PTPRG: variants seen among roughly 807,000 people sequenced by gnomAD.
PTPRG encodes protein tyrosine phosphatase receptor type G.
Under a neutral mutation model 165.3 loss-of-function variants are expected in PTPRG, and 102 were observed. The observed-to-expected ratio is 0.62, with a 90% CI of 0.53 to 0.73. The LOEUF (loss-of-function observed/expected upper bound fraction) is 0.73. PTPRG is among the 30% of genes least tolerant of loss of function. The probability of loss-of-function intolerance (pLI) is 0.00; values close to 1 mark genes in which losing one functional copy is unlikely to be tolerated. For missense variants in PTPRG, 1,866 were observed against 1,861.4 expected (o/e 1.00, Z -0.05); for synonymous variants, 675 against 669.5 (o/e 1.01, Z -0.13).
intron 2 of PTPRG, among the ~76,000 whole-genome samples, chr3:61,829,446 C>G (rs2036208356): frequency 6.6e-6 from 1 of 152,244 alleles, no homozygotes; most frequent in Admixed American, 6.5e-5. Context: ...TTTATCATGC[C>G]TCACTTAGCC....
intron 2 of PTPRG, among the ~76,000 whole-genome samples, chr3:61,825,866 G>A (rs571948937): frequency 6.6e-6 from 1 of 152,206 alleles, no homozygotes; most frequent in East Asian, 1.9e-4. Flanking sequence ...GTCCAGGCTT[G>A]TCTCAAACTT....
At chr3:61,782,907 A>G (rs1311328561) in intron 2 of PTPRG, among the ~76,000 whole-genome samples, 3 of 152,044 alleles carry the variant, frequency 2.0e-5, no homozygotes, top group South Asian at 2.1e-4. Context: ...GGCTCAAGTG[A>G]TCCTCCTGCC....
intron 2 of PTPRG, among the ~76,000 whole-genome samples, chr3:61,895,019 A>G (rs1270164796): frequency 6.6e-6 from 1 of 152,178 alleles, no homozygotes; most frequent in South Asian, 2.1e-4. Context: ...CTCTGCCCCC[A>G]TAGCTGTGAC....
chr3:62,114,423 C>T (rs1221598499), intron 5 of PTPRG, among the ~76,000 whole-genome samples: 1 of 152,106 alleles, frequency 6.6e-6, no homozygotes, highest in Non-Finnish European at 1.5e-5. Flanking sequence ...AATCAGTTGA[C>T]CATATTCTCA....
At chr3:61,989,003 A>G (rs911487787) in intron 2 of PTPRG, among the ~76,000 whole-genome samples, 1 of 152,174 alleles carries the variant, frequency 6.6e-6, no homozygotes, top group East Asian at 1.9e-4. Flanking sequence ...AGGTAACTTT[A>G]TACCTGCATT....
intron 5 of PTPRG, among the ~76,000 whole-genome samples, chr3:62,107,986 C>T (rs548606584): frequency 6.6e-6 from 1 of 152,036 alleles, no homozygotes; most frequent in Non-Finnish European, 1.5e-5. Context: ...TACAAGTTTG[C>T]CTTTTCTTGC....
At chr3:61,600,597 C>T (rs548511575) in intron 1 of PTPRG, among the ~76,000 whole-genome samples, 2 of 152,140 alleles carry the variant, frequency 1.3e-5, no homozygotes, top group South Asian at 2.1e-4. Flanking sequence ...TGGAGTGCAG[C>T]GGCACAATGA....
chr3:61,644,086 T>G (rs1702135462), intron 1 of PTPRG, among the ~76,000 whole-genome samples: 1 of 152,188 alleles, frequency 6.6e-6, no homozygotes, highest in Non-Finnish European at 1.5e-5. Flanking sequence ...TGTGTGAATA[T>G]TAAGTTATTA....
At chr3:61,813,344 AAAT>A (rs1559625959) in intron 2 of PTPRG, among the ~76,000 whole-genome samples, 2 of 150,082 alleles carry the variant, frequency 1.3e-5, no homozygotes, top group African/African-American at 4.9e-5. Context: ...AAAAAAAAAA[AAAT>A]AGAAAAAAAA....
chr3:61,838,860 T>A (rs1419735208), intron 2 of PTPRG, among the ~76,000 whole-genome samples: 1 of 152,228 alleles, frequency 6.6e-6, no homozygotes, highest in Non-Finnish European at 1.5e-5. Context: ...TATTAGTGTC[T>A]TTGTTTCCAG....
At chr3:61,760,219 G>A (rs1575641156) in intron 2 of PTPRG, among the ~76,000 whole-genome samples, 1 of 152,114 alleles carries the variant, frequency 6.6e-6, no homozygotes, top group East Asian at 1.9e-4. Context: ...ATGACAAAGG[G>A]TATAATAATT....
chr3:62,065,757 G>A (rs1006186227), intron 4 of PTPRG, among the ~76,000 whole-genome samples: 7 of 152,112 alleles, frequency 4.6e-5, no homozygotes, highest in African/African-American at 1.4e-4. Flanking sequence ...AGAACCTTTT[G>A]TAAGGGGATC....
chr3:62,112,790 C>T (rs1044774927), intron 5 of PTPRG, among the ~76,000 whole-genome samples: 13 of 152,210 alleles, frequency 8.5e-5, no homozygotes, highest in East Asian at 3.9e-4. Flanking sequence ...TATGTACGTT[C>T]GTGTCTGTGA....
At chr3:61,919,177 A>G (rs769126783) in intron 2 of PTPRG, among the ~76,000 whole-genome samples, 20 of 152,172 alleles carry the variant, frequency 1.3e-4, no homozygotes, top group Non-Finnish European at 2.4e-4. Context: ...GCCAAGGAGT[A>G]CTGGTTTTTA....
chr3:62,073,117 G>C (rs1040217658), intron 4 of PTPRG, among the ~76,000 whole-genome samples: 1 of 152,046 alleles, frequency 6.6e-6, no homozygotes, highest in African/African-American at 2.4e-5. Context: ...TGAATAAATA[G>C]AAACAAAAAT....
At chr3:61,795,241 A>G (rs902179345) in intron 2 of PTPRG, among the ~76,000 whole-genome samples, 5 of 152,046 alleles carry the variant, frequency 3.3e-5, no homozygotes, top group Non-Finnish European at 7.4e-5. Context: ...CATGTGCTTG[A>G]CCACTGTATT....
chr3:61,862,642 G>A (rs186200774), intron 2 of PTPRG, among the ~76,000 whole-genome samples: 5 of 152,054 alleles, frequency 3.3e-5, no homozygotes, highest in African/African-American at 4.8e-5. Context: ...TGATCTGCCC[G>A]CCCAGGCCTC....
At chr3:61,918,953 G>A (rs76425000) in intron 2 of PTPRG, among the ~76,000 whole-genome samples, 2 of 152,156 alleles carry the variant, frequency 1.3e-5, no homozygotes, top group Non-Finnish European at 2.9e-5. Context: ...GCTGTTAAAG[G>A]CTTCTTGAGG....
chr3:61,938,698 G>T (rs1257073127), intron 2 of PTPRG, among the ~76,000 whole-genome samples: 2 of 152,174 alleles, frequency 1.3e-5, no homozygotes, highest in Admixed American at 6.5e-5. Context: ...TATATTTTAT[G>T]CAGAGTCTAA....
Sources: allele counts gnomAD v4.1 joint callset (sites outside exome capture counted in the v4.1 genomes callset), GRCh38; gene constraint gnomAD v4.1.1; transcripts MANE v1.5; gene names NCBI Gene and HGNC (gene_info 2026-07-23, HGNC 2026-07-21).